ZNF516: variants seen among roughly 807,000 people sequenced by gnomAD.
The protein encoded by ZNF516 is zinc finger protein 516.
A neutral mutation model predicts 79.7 loss-of-function variants in ZNF516; 19 were observed. The observed-to-expected ratio is 0.24, with a 90% CI of 0.17 to 0.35. ZNF516 has a LOEUF of 0.35. ZNF516 is among the 10% of genes least tolerant of loss of function. The probability of loss-of-function intolerance (pLI) is 1.00; values close to 1 mark genes in which losing one functional copy is unlikely to be tolerated. For missense variants in ZNF516, 1,678 were observed against 1,679.5 expected (o/e 1.00, Z 0.02); for synonymous variants, 877 against 739.5 (o/e 1.19, Z -3.02).
At chr18:76,435,831 C>G (rs1052923683) in intron 3 of ZNF516, among the ~76,000 whole-genome samples, 13 of 152,220 alleles carry the variant, frequency 8.5e-5, no homozygotes, top group African/African-American at 3.1e-4. Context: ...TTCCTGACCT[C>G]GGTCTCCGTT....
Position 76,493,038 on chromosome 18 carries a change from T to C in ZNF516, c.-272+2106A>G. 4 of 984,882 alleles carry C rather than the reference T, an allele frequency of 4.1e-6. No individual in the cohort carries two copies. Among genetic ancestry groups the C allele is most frequent in the Non-Finnish European group, 4.8e-6 (4 of 829,984 alleles). 61.0% of individuals were successfully genotyped at this position (984,882 alleles called of 1,614,324 possible). The stretch of plus-strand genomic sequence containing the variant: ...CGGGATGGAGAAAGCCGCTGCGGAT[T>C]GGCCAGCAGAGCCGTCACTCACGCC... On this transcript the variant is annotated intron_variant, in intron 1 of 6. Coordinates refer to ENST00000443185, the MANE Select transcript of ZNF516 (RefSeq NM_014643.4). The surrounding 1 kb of genome is among the most constrained non-coding windows in gnomAD (Gnocchi z 5.2).
chr18:76,435,286 T>C (rs2075716377), intron 3 of ZNF516, among the ~76,000 whole-genome samples: 2 of 152,244 alleles, frequency 1.3e-5, no homozygotes, highest in Non-Finnish European at 2.9e-5. Flanking sequence ...AGTCTAACGC[T>C]TTTCACAGTC....
At chr18:76,391,077 G>A (rs2075066226) in intron 3 of ZNF516, among the ~76,000 whole-genome samples, 1 of 152,138 alleles carries the variant, frequency 6.6e-6, no homozygotes, top group African/African-American at 2.4e-5. Context: ...TACGGAAGGT[G>A]GGGACACCAG....
At chr18:76,406,952 T>C (rs2075311986) in intron 3 of ZNF516, among the ~76,000 whole-genome samples, 2 of 135,608 alleles carry the variant, frequency 1.5e-5, no homozygotes, top group South Asian at 4.4e-4. Flanking sequence ...CCTGGGGCTA[T>C]CTTAGATTTG....
At position 76,371,549 on chromosome 18, in the gene ZNF516, C is replaced by G; in HGVS notation, c.3282G>C (p.Arg1094=). ...ACTCGATGCAGACGAACTCTCCTGG[C>G]CGGGCCTGCGTCCGGAGTGTCCCTG... ...EHRGTLRTQA[R]PGEFVCIECG... is the part of the protein sequence containing the mutation. The change falls in exon 5 of 7, where the codon CGG becomes CGC. Residue 1094 remains arginine, a synonymous_variant. Coordinates refer to ENST00000443185, the MANE Select transcript of ZNF516 (RefSeq NM_014643.4). 6.2e-7 allele frequency: 1 copy of G among 1,610,606 alleles called. No individual in the cohort carries two copies. The highest frequency in any genetic ancestry group is 8.5e-7 in the Non-Finnish European group (1 of 1,179,692).
rs1284536503 is a variant in ZNF516, at chr18:76,415,229, GAAAAGA to G, written c.1810+26010_1810+26015del. ...AAAAGAAAAAGAAAAGAGGAAAAAA[GAAAAGA>G]AAAAGAAAATAGTAGTTTAGAGCTA... On this transcript the variant is annotated intron_variant, in intron 3 of 6. Transcript: ENST00000443185. Among the ~76,000 whole-genome samples the G allele has an allele frequency of 2.0e-5, 3 of 152,226 alleles. No homozygotes were observed. In the East Asian group the frequency reaches 5.8e-4, roughly 29 times the overall value.
intron 2 of ZNF516, among the ~76,000 whole-genome samples, chr18:76,455,316 C>G (rs1912655199): frequency 1.3e-5 from 2 of 152,192 alleles, no homozygotes; most frequent in Admixed American, 1.3e-4. Flanking sequence ...GGTCATTTTT[C>G]CTCTCTCTTT....
chr18:76,400,307 G>A (rs550818232), intron 3 of ZNF516, among the ~76,000 whole-genome samples: 1 of 152,336 alleles, frequency 6.6e-6, no homozygotes, highest in East Asian at 1.9e-4. Flanking sequence ...TCCTTTCACA[G>A]AGGTTTATGT....
At chr18:76,409,721 G>GAA (rs2075349697) in intron 3 of ZNF516, among the ~76,000 whole-genome samples, 1 of 152,198 alleles carries the variant, frequency 6.6e-6, no homozygotes, top group African/African-American at 2.4e-5. Flanking sequence ...GGAGATGGTG[G>GAA]AAAACCGAGA....
intron 3 of ZNF516, among the ~76,000 whole-genome samples, chr18:76,389,828 T>C (rs2075045952): frequency 6.6e-6 from 1 of 152,180 alleles, no homozygotes; most frequent in Non-Finnish European, 1.5e-5. Flanking sequence ...CCCGCAACCC[T>C]GGGACCTGAG....
Position 76,441,381 on chromosome 18 carries a change from T to G in ZNF516, c.1674A>C (p.Ser558=). The change falls in exon 3 of 7, where the codon TCA becomes TCC. Residue 558 remains serine, a synonymous_variant. Transcript: ENST00000443185. ...GDRAARARCG[S]LSEGDSASQP... is the part of the protein sequence containing the mutation. ...GGGAGGCCGAGTCACCCTCACTGAG[T>G]GATCCGCAGCGGGCCCGCGCCGCCC... The G allele has an allele frequency of 6.2e-7, 1 of 1,610,432 alleles. No individual in the cohort carries two copies. Among genetic ancestry groups the G allele is most frequent in the South Asian group, 1.1e-5 (1 of 90,980 alleles).
intron 6 of ZNF516, among the ~76,000 whole-genome samples, chr18:76,362,951 C>A (rs1568226572): frequency 6.6e-6 from 1 of 152,194 alleles, no homozygotes; most frequent in Non-Finnish European, 1.5e-5. Context: ...TAGTACAAAG[C>A]AGATTTACAA....
At chr18:76,492,043 G>A (rs1454158091) in intron 1 of ZNF516, 14 of 480,558 alleles carry the variant, frequency 2.9e-5, no homozygotes, top group Non-Finnish European at 3.5e-5. Flanking sequence ...CCTCGGTGCG[G>A]CCTGGTGGCC....
chr18:76,423,691 A>G (rs1214652461), intron 3 of ZNF516, among the ~76,000 whole-genome samples: 1 of 145,812 alleles, frequency 6.9e-6, no homozygotes, highest in Non-Finnish European at 1.5e-5. Context: ...CACGCAGGTG[A>G]AAAGGCTCCC....
chr18:76,378,604 A>G (rs1276935700), intron 4 of ZNF516, among the ~76,000 whole-genome samples: 1 of 152,214 alleles, frequency 6.6e-6, no homozygotes, highest in East Asian at 1.9e-4. Context: ...CCCAGGGCCA[A>G]CGTGCAGAGG....
At chr18:76,437,103 C>T (rs1217513054) in intron 3 of ZNF516, among the ~76,000 whole-genome samples, 7 of 151,656 alleles carry the variant, frequency 4.6e-5, no homozygotes, top group Non-Finnish European at 1.0e-4. Context: ...CACACACATA[C>T]CGTCTCTCAC....
intron 3 of ZNF516, among the ~76,000 whole-genome samples, chr18:76,390,251 C>T (rs1372534062): frequency 6.6e-6 from 1 of 152,182 alleles, no homozygotes; most frequent in East Asian, 1.9e-4. Flanking sequence ...TAGTTGGGTA[C>T]TGAACACAAA....
intron 3 of ZNF516, chr18:76,385,897 G>C (rs1175920833): frequency 2.0e-5 from 3 of 152,220 alleles, no homozygotes; most frequent in Non-Finnish European, 4.4e-5. Flanking sequence ...CCTGTGCACT[G>C]ACAGTGCATC....
At chr18:76,474,012 T>C (rs1251748904) in intron 1 of ZNF516, among the ~76,000 whole-genome samples, 1 of 149,706 alleles carries the variant, frequency 6.7e-6, no homozygotes, top group Non-Finnish European at 1.5e-5. Flanking sequence ...TCCCAAGAAG[T>C]GGGATTACAG....
Sources: gnomAD v4.1 joint callset for allele counts (sites outside exome capture counted in the v4.1 genomes callset) on GRCh38, gnomAD v4.1.1 for gene constraint, Gnocchi (gnomAD v3.1) non-coding constraint, MANE v1.5 for transcripts, NCBI Gene and HGNC (gene_info 2026-07-23, HGNC 2026-07-21) for gene names.